The following SPPL3 variants were observed in gnomAD, a reference collection of about 807,000 sequenced individuals.
SPPL3 encodes the protein signal peptide peptidase like 3, also known as signal peptide peptidase-like 3.
Under a neutral mutation model 42.4 loss-of-function variants are expected in SPPL3, and 5 were observed. That is an observed-to-expected ratio of 0.12 (90% CI 0.06 to 0.25). The LOEUF (loss-of-function observed/expected upper bound fraction) is 0.25. Ranked by LOEUF, SPPL3 falls within the 10% of genes least tolerant of loss-of-function variation. The probability of loss-of-function intolerance (pLI) is 1.00; values close to 1 mark genes in which losing one functional copy is unlikely to be tolerated. For missense variants in SPPL3, 235 were observed against 489.0 expected, an observed-to-expected ratio of 0.48 and a Z score of 4.90; for synonymous variants, 195 against 181.8, an observed-to-expected ratio of 1.07 and a Z score of -0.58.
chr12:120,895,149 C>T (rs573626019), intron 1 of SPPL3, among the ~76,000 whole-genome samples: 3 of 152,118 alleles, frequency 2.0e-5, no homozygotes, highest in Non-Finnish European at 2.9e-5. Context: ...AAAAACAGGT[C>T]GGGCATGGTG....
intron 1 of SPPL3, chr12:120,811,305 G>C (rs1231489929): frequency 6.5e-6 from 1 of 153,744 alleles, no homozygotes; most frequent in Non-Finnish European, 1.4e-5. Context: ...GGTAAAGCCT[G>C]CATCTCCTGA....
intron 6 of SPPL3, among the ~76,000 whole-genome samples, chr12:120,771,371 C>T (rs141737972): frequency 3.3e-5 from 5 of 152,348 alleles, no homozygotes; most frequent in African/African-American, 9.6e-5. Context: ...TCTGCATTTA[C>T]TGTGCCCTCT....
At chr12:120,890,512 C>A (rs961153380) in intron 1 of SPPL3, among the ~76,000 whole-genome samples, 1 of 149,878 alleles carries the variant, frequency 6.7e-6, no homozygotes, top group Non-Finnish European at 1.5e-5. Context: ...TCGCTTGAAT[C>A]TGGAAGGCGG....
At chr12:120,789,860 T>C (rs1263771665) in intron 3 of SPPL3, among the ~76,000 whole-genome samples, 1 of 141,020 alleles carries the variant, frequency 7.1e-6, no homozygotes, top group Non-Finnish European at 1.5e-5. Context: ...AAGAGCTGTA[T>C]TACCAGGTAA....
At chr12:120,800,419 C>T (rs1335015972) in intron 2 of SPPL3, among the ~76,000 whole-genome samples, 1 of 152,166 alleles carries the variant, frequency 6.6e-6, no homozygotes, top group Non-Finnish European at 1.5e-5. Context: ...AAGAAAACTG[C>T]TTGAACCCGG....
chr12:120,800,681 G>C (rs374792491), intron 2 of SPPL3, among the ~76,000 whole-genome samples: 41 of 151,850 alleles, frequency 2.7e-4, no homozygotes, highest in East Asian at 1.9e-3. Flanking sequence ...AACTATGACT[G>C]AACAGGAAGT....
At chr12:120,848,439 G>A (rs1055957366) in intron 1 of SPPL3, among the ~76,000 whole-genome samples, 1 of 152,078 alleles carries the variant, frequency 6.6e-6, no homozygotes, top group South Asian at 2.1e-4. Context: ...CAAGAAGGGT[G>A]GAATACCAAA....
intron 1 of SPPL3, among the ~76,000 whole-genome samples, chr12:120,813,130 C>T (rs1384205207): frequency 2.7e-5 from 4 of 149,470 alleles, no homozygotes; most frequent in African/African-American, 7.4e-5. Flanking sequence ...AAAAGATTAT[C>T]TTTTTTTTTT....
intron 1 of SPPL3, among the ~76,000 whole-genome samples, chr12:120,880,175 G>A (rs1305861452): frequency 6.6e-6 from 1 of 151,516 alleles, no homozygotes; most frequent in Admixed American, 6.6e-5. Context: ...AAAAAAGCCA[G>A]ATAACGAATC....
At chr12:120,815,903 T>C (rs1035549648) in intron 1 of SPPL3, among the ~76,000 whole-genome samples, 15 of 152,022 alleles carry the variant, frequency 9.9e-5, no homozygotes, top group African/African-American at 3.1e-4. Flanking sequence ...TAATTTTTGG[T>C]ATTTTTATTA....
intron 6 of SPPL3, chr12:120,770,068 G>A (rs1869060198): frequency 6.6e-6 from 1 of 151,792 alleles, no homozygotes; most frequent in Non-Finnish European, 1.5e-5. Context: ...TTTTTTTTGA[G>A]ACAGGGTCTT....
chr12:120,871,788 A>G (rs569273275), intron 1 of SPPL3, among the ~76,000 whole-genome samples: 9 of 152,168 alleles, frequency 5.9e-5, no homozygotes, highest in Non-Finnish European at 8.8e-5. Context: ...CAGTATTTGC[A>G]TATAACCTGC....
At chr12:120,881,717 G>T (rs1459102745) in intron 1 of SPPL3, among the ~76,000 whole-genome samples, 2 of 151,200 alleles carry the variant, frequency 1.3e-5, no homozygotes, top group East Asian at 3.9e-4. Flanking sequence ...GTATTATCCA[G>T]CCTTTAAAAG....
intron 1 of SPPL3, among the ~76,000 whole-genome samples, chr12:120,887,342 G>A (rs1180000460): frequency 6.6e-6 from 1 of 152,116 alleles, no homozygotes; most frequent in African/African-American, 2.4e-5. Flanking sequence ...CTATTGGGCA[G>A]TGCAGCTCTA....
chr12:120,777,727 A>T (rs555378165), intron 6 of SPPL3, among the ~76,000 whole-genome samples: 7 of 152,252 alleles, frequency 4.6e-5, no homozygotes, highest in Non-Finnish European at 7.3e-5. Flanking sequence ...TTGATTTGGG[A>T]AATCAGGTCT....
Position 120,764,757 on chromosome 12 carries a change from G to T in SPPL3, c.*242C>A, listed in dbSNP as rs903346543. ...AAAACGTGGGAGGAAGGCGCGCTGG[G>T]GAGAGGCCTGTCCCTCTTGGAAGGG... On this transcript the variant is annotated 3_prime_UTR_variant, in exon 11 of 11. Coordinates refer to ENST00000353487, the MANE Select transcript of SPPL3 (RefSeq NM_139015.5). The T allele has an allele frequency of 1.1e-5, 5 of 459,934 alleles. No homozygotes were observed. Among genetic ancestry groups the T allele is most frequent in the East Asian group, 3.3e-5 (1 of 30,352 alleles). 28.5% of individuals were successfully genotyped at this position (459,934 alleles called of 1,614,324 possible). A position where few individuals can be genotyped will look rare whatever the true frequency, so the allele number is the denominator to read the frequency against.
chr12:120,818,945 CAT>C (rs1592978002), intron 1 of SPPL3, among the ~76,000 whole-genome samples: 5 of 152,344 alleles, frequency 3.3e-5, no homozygotes, highest in African/African-American at 9.6e-5. Context: ...ACATTCTTCA[CAT>C]GTTTGCAAAC....
At chr12:120,845,656 C>A in intron 1 of SPPL3, 1 of 383,754 alleles carries the variant, frequency 2.6e-6, no homozygotes, top group South Asian at 3.0e-5. Context: ...TTATGTTCCC[C>A]ATGCTTGTGG....
At chr12:120,793,866 G>A (rs1198383266) in intron 2 of SPPL3, among the ~76,000 whole-genome samples, 1 of 152,214 alleles carries the variant, frequency 6.6e-6, no homozygotes, top group Admixed American at 6.5e-5. Flanking sequence ...ACTTGAGAAA[G>A]AGCGTGTGTT....
Sources: gnomAD v4.1 joint callset for allele counts (sites outside exome capture counted in the v4.1 genomes callset) on GRCh38, gnomAD v4.1.1 for gene constraint, MANE v1.5 for transcripts, NCBI Gene and HGNC (gene_info 2026-07-23, HGNC 2026-07-21) for gene names.